The following TAFA4 variants were observed in gnomAD, a reference collection of about 807,000 sequenced individuals.
TAFA4 encodes chemokine-like protein TAFA-4.
A neutral mutation model predicts 21.1 loss-of-function variants in TAFA4; 20 were observed. The ratio of observed to expected loss-of-function variants is 0.95; its 90% CI spans 0.67 to 1.38. The LOEUF is 1.38. TAFA4 is among the 40% of genes most tolerant of loss of function. TAFA4 has a pLI of 0.00. For missense variants in TAFA4, 211 were observed against 180.9 expected (o/e 1.17, Z -0.95); for synonymous variants, 71 against 67.4 (o/e 1.05, Z -0.26).
At chr3:68,849,274 G>GT (rs1206671346) in intron 3 of TAFA4, among the ~76,000 whole-genome samples, 6 of 152,180 alleles carry the variant, frequency 3.9e-5, no homozygotes, top group Non-Finnish European at 7.3e-5. Context: ...AAGACATGAG[G>GT]TTTATACCCC....
chr3:68,813,814 T>C (rs976702423), intron 3 of TAFA4, among the ~76,000 whole-genome samples: 12 of 152,256 alleles, frequency 7.9e-5, no homozygotes, highest in African/African-American at 2.6e-4. Context: ...TAACTCATTT[T>C]ATGAGGACAG....
chr3:68,885,207 AAC>A lies in TAFA4; in HGVS notation c.-21_-20del. On this transcript the variant is annotated 5_prime_UTR_variant, in exon 2 of 6. An upstream open reading frame in the 5' UTR gains an earlier in-frame stop. Coordinates refer to ENST00000295569, the MANE Select transcript of TAFA4 (RefSeq NM_182522.5). ...ACCTCATAAGATGTGGTTCTAGTCA[AAC>A]ACACTTATTCCAGGATATATTTCAG... 1.2e-6 allele frequency: 2 copies of A among 1,611,958 alleles called. No homozygotes were observed. Among genetic ancestry groups the A allele is most frequent in the Non-Finnish European group, 1.7e-6 (2 of 1,178,792 alleles).
intron 3 of TAFA4, among the ~76,000 whole-genome samples, chr3:68,847,208 G>A (rs984348676): frequency 6.6e-6 from 1 of 152,238 alleles, no homozygotes; most frequent in Non-Finnish European, 1.5e-5. Flanking sequence ...TTTCAGAGAT[G>A]CCCTGCCCAG....
At chr3:68,819,857 A>T (rs965007810) in intron 3 of TAFA4, among the ~76,000 whole-genome samples, 6 of 152,338 alleles carry the variant, frequency 3.9e-5, no homozygotes, top group Admixed American at 3.9e-4. Flanking sequence ...TAATAAAGCC[A>T]TTATGGAAAA....
Position 68,779,732 on chromosome 3 carries a change from G to A in TAFA4, c.131-26714C>T, listed in dbSNP as rs150769251. Among the ~76,000 whole-genome samples, 1,132 of 152,364 alleles carry A rather than the reference G, an allele frequency of 7.4e-3. 15 individuals are homozygous for A. Among genetic ancestry groups the A allele is most frequent in the African/African-American group, 0.025 (1,051 of 41,588 alleles). On this transcript the variant is annotated intron_variant, in intron 3 of 5. Transcript: ENST00000295569. The stretch of plus-strand genomic sequence containing the variant: ...GAAACACCTGGATGCCCAGGCAGAA[G>A]TTTGCTGCAGGGGCGGGGCCCTCAT...
chr3:68,863,013 C>A (rs116628973), intron 3 of TAFA4, among the ~76,000 whole-genome samples: 2 of 150,866 alleles, frequency 1.3e-5, no homozygotes, highest in Non-Finnish European at 2.9e-5. Context: ...GCTGACCAAT[C>A]GCTTGAGAGC....
intron 1 of TAFA4, among the ~76,000 whole-genome samples, chr3:68,918,816 C>A (rs781652348): frequency 1.3e-5 from 2 of 152,216 alleles, no homozygotes; most frequent in Non-Finnish European, 2.9e-5. Flanking sequence ...GCTGGGATCA[C>A]AGGTGTGAGC....
At chr3:68,766,631 CA>C (rs2106775704) in intron 3 of TAFA4, among the ~76,000 whole-genome samples, 1 of 149,682 alleles carries the variant, frequency 6.7e-6, no homozygotes, top group East Asian at 2.0e-4. Context: ...CTTAGAGAAA[CA>C]ATCCAGATGT....
intron 3 of TAFA4, among the ~76,000 whole-genome samples, chr3:68,772,465 G>A (rs1409329476): frequency 1.3e-5 from 2 of 152,054 alleles, no homozygotes; most frequent in Non-Finnish European, 2.9e-5. Flanking sequence ...CAAAAGAAAG[G>A]TGAATTCTCT....
At chr3:68,763,651 T>C (rs557628604) in intron 3 of TAFA4, among the ~76,000 whole-genome samples, 2 of 152,204 alleles carry the variant, frequency 1.3e-5, no homozygotes, top group African/African-American at 2.4e-5. Context: ...AGTCTTAAAA[T>C]TTGTCTTCCC....
intron 3 of TAFA4, among the ~76,000 whole-genome samples, chr3:68,770,942 C>A (rs926232087): frequency 6.6e-6 from 1 of 152,184 alleles, no homozygotes; most frequent in Non-Finnish European, 1.5e-5. Context: ...AGAGGGCACA[C>A]ACACAAGCGG....
chr3:68,911,917 ATCATTTCAATTCTCCACACCTCACCT>A, intron 1 of TAFA4, among the ~76,000 whole-genome samples: 1 of 152,268 alleles, frequency 6.6e-6, no homozygotes, highest in South Asian at 2.1e-4. Flanking sequence ...GCGCTGGGAA[ATCATTTCAATTCTCCACACCTCACCT>A]CCGAAGCATC....
chr3:68,782,743 G>GGA, intron 3 of TAFA4, among the ~76,000 whole-genome samples: 1 of 152,278 alleles, frequency 6.6e-6, no homozygotes, highest in South Asian at 2.1e-4. Context: ...CTAAGGAGAG[G>GGA]GAGGGGGAAT....
rs144340383 is a variant in TAFA4, at chr3:68,835,392, C to T, written c.130+45338G>A. On this transcript the variant is annotated intron_variant, in intron 3 of 5. Transcript: ENST00000295569. ...TTCCGCAGAAAAAGAACAGTATGTA[C>T]CTGATGCACAGTCAGTATTCAAATA... Among the ~76,000 whole-genome samples the T allele has an allele frequency of 5.3e-5, 8 of 152,306 alleles. No homozygotes were observed. In the East Asian group the frequency reaches 1.5e-3, roughly 29 times the overall value.
chr3:68,855,251 G>A (rs555121173), intron 3 of TAFA4, among the ~76,000 whole-genome samples: 4 of 152,210 alleles, frequency 2.6e-5, no homozygotes, highest in South Asian at 2.1e-4. Context: ...TATGCAAAGT[G>A]GTTAAAATCA....
intron 1 of TAFA4, among the ~76,000 whole-genome samples, chr3:68,900,452 A>C (rs79486943): frequency 2.0e-4 from 31 of 152,138 alleles, no homozygotes; most frequent in Non-Finnish European, 3.8e-4. Context: ...CCTTCTGTTC[A>C]GAGGCAAACA....
chr3:68,859,531 A>G (rs560646393), intron 3 of TAFA4, among the ~76,000 whole-genome samples: 1 of 152,282 alleles, frequency 6.6e-6, no homozygotes, highest in East Asian at 1.9e-4. Context: ...CTGTAAATGT[A>G]CAGTAGTTAG....
At chr3:68,879,148 T>C (rs2089587031) in intron 3 of TAFA4, among the ~76,000 whole-genome samples, 1 of 152,146 alleles carries the variant, frequency 6.6e-6, no homozygotes, top group African/African-American at 2.4e-5. Context: ...CATGGGACAG[T>C]GCCAGGAGCC....
intron 5 of TAFA4, 147 bp from the exon 6 acceptor site, chr3:68,733,300 C>T: frequency 6.7e-6 from 7 of 1,038,888 alleles, no homozygotes; most frequent in Non-Finnish European, 9.5e-6. Context: ...ATCAACAGTT[C>T]AAATTCTGCT....
Sources: gnomAD v4.1 joint callset for allele counts (sites outside exome capture counted in the v4.1 genomes callset) on GRCh38, gnomAD v4.1.1 for gene constraint, MANE v1.5 for transcripts, NCBI Gene and HGNC (gene_info 2026-07-23, HGNC 2026-07-21) for gene names.